PUS7L: variants seen among roughly 807,000 people sequenced by gnomAD.
PUS7L encodes the protein pseudouridylate synthase PUS7L.
PUS7L carries 49 observed loss-of-function variants against 51.1 expected under a neutral mutation model. The observed-to-expected ratio is 0.96, with a 90% CI of 0.76 to 1.22. The LOEUF is 1.22. Among genes scored for constraint, PUS7L ranks in the 50% most tolerant of loss-of-function variants. PUS7L has a pLI of 0.00. For missense variants in PUS7L, 828 were observed against 820.6 expected, an observed-to-expected ratio of 1.01 and a Z score of -0.11; for synonymous variants, 277 against 276.2, an observed-to-expected ratio of 1.00 and a Z score of -0.03.
chr12:43,754,551 G>C lies in PUS7L; in HGVS notation c.695C>G (p.Thr232Ser), dbSNP rs1938601457. Residue 232 changes from threonine to serine, a missense_variant, in exon 2 of 9, where the codon ACC becomes AGC. Transcript: ENST00000344862. ...LDAKKENSKF[T>S]FKPDTNKDHR... ...GTCTTTGTTTGTATCAGGTTTAAAGGTAAATTTGGAATTTTCTTTCTTTGC... is the reference window on the plus strand; with the variant it reads ...GTCTTTGTTTGTATCAGGTTTAAAGCTAAATTTGGAATTTTCTTTCTTTGC... The C allele has an allele frequency of 1.2e-6, 2 of 1,609,806 alleles. No individual in the cohort carries two copies. The highest frequency in any genetic ancestry group is 1.7e-6 in the Non-Finnish European group (2 of 1,178,610).
chr12:43,739,863 C>T (rs984956180), intron 5 of PUS7L: 1 of 152,028 alleles, frequency 6.6e-6, no homozygotes, highest in Non-Finnish European at 1.5e-5. Context: ...AGTAAGTACA[C>T]AGTATAAATT....
At chr12:43,734,999 T>A (rs1944649979) in intron 7 of PUS7L, among the ~76,000 whole-genome samples, 1 of 152,192 alleles carries the variant, frequency 6.6e-6, no homozygotes, top group Non-Finnish European at 1.5e-5. Context: ...CCCAGTTTCA[T>A]TAGTTCAAAC....
intron 8 of PUS7L, among the ~76,000 whole-genome samples, chr12:43,731,467 G>A (rs1944552182): frequency 6.6e-6 from 1 of 151,974 alleles, no homozygotes; most frequent in South Asian, 2.1e-4. Flanking sequence ...TTTGGAGAGG[G>A]GAGGAAACTG....
Position 43,757,454 on chromosome 12 carries a change from A to G in PUS7L, c.-17+1276T>C, listed in dbSNP as rs1592190395. 3.3e-5 allele frequency among the ~76,000 whole-genome samples: 5 copies of G among 152,352 alleles called. 1 individual carries two copies. Among genetic ancestry groups the G allele is most frequent in the Admixed American group, 3.3e-4 (5 of 15,306 alleles). On this transcript the variant is annotated intron_variant, in intron 1 of 8. Transcript: ENST00000344862. ...CCAAAGTGCTGGGGTTACAGGCGTG[A>G]GCCACCGTGCCCAGCAAGTGATTCT...
chr12:43,748,666 A>G, intron 2 of PUS7L, 57 bp from the exon 3 acceptor site: 1 of 1,280,540 alleles, frequency 7.8e-7, no homozygotes, highest in Non-Finnish European at 1.1e-6. Context: ...CATCAATTAC[A>G]TTCTTAGCTA....
At position 43,736,656 on chromosome 12, in the gene PUS7L, C is replaced by T. The variant is rs1221570016; in HGVS notation, c.1450G>A (p.Ala484Thr). ...GGCATCAATGAAAGTGTGCCTTTAG[C>T]ATCCTCTGAAACAAAGGGTAAATCA... ...AKKYFLQTED[A>T]KGTLSLMPEF... is the part of the protein sequence containing the mutation. Residue 484 changes from alanine to threonine, a missense_variant, in exon 7 of 9, where the codon GCT (alanine) becomes ACT (threonine). Ala to Thr is a moderately conservative substitution (Grantham distance 58). Coordinates refer to ENST00000344862, the MANE Select transcript of PUS7L (RefSeq NM_031292.5). 1 of 1,612,848 alleles carries T rather than the reference C, an allele frequency of 6.2e-7. No homozygotes were observed. Among genetic ancestry groups the T allele is most frequent in the Non-Finnish European group, 8.5e-7 (1 of 1,179,058 alleles).
chr12:43,746,970 T>C (rs1448767755), intron 3 of PUS7L, among the ~76,000 whole-genome samples: 1 of 152,228 alleles, frequency 6.6e-6, no homozygotes, highest in Non-Finnish European at 1.5e-5. Flanking sequence ...TCTAAAGTTC[T>C]TCTTTCTGCA....
At chr12:43,751,446 T>C (rs1238655043) in intron 2 of PUS7L, among the ~76,000 whole-genome samples, 2 of 149,238 alleles carry the variant, frequency 1.3e-5, no homozygotes, top group Non-Finnish European at 3.0e-5. Flanking sequence ...GAACATGCAG[T>C]GTTTGGTTTT....
intron 7 of PUS7L, among the ~76,000 whole-genome samples, chr12:43,735,114 G>C (rs1373476261): frequency 6.6e-6 from 1 of 151,882 alleles, no homozygotes; most frequent in Non-Finnish European, 1.5e-5. Context: ...AGGAGATCGA[G>C]ACCATCCTGG....
chr12:43,754,328 T>G lies in PUS7L; in HGVS notation c.910+8A>C. ...TCCAAGAAAATGGATGATGATTTAT[T>G]AAATTACCTGTATATATAACTTTTC... On this transcript the variant is annotated splice_region_variant and intron_variant, in intron 2 of 8. Coordinates refer to ENST00000344862, the MANE Select transcript of PUS7L (RefSeq NM_031292.5). The G allele has an allele frequency of 6.6e-7, 1 of 1,522,808 alleles. No homozygotes were observed. Among genetic ancestry groups the G allele is most frequent in the Non-Finnish European group, 8.9e-7 (1 of 1,124,230 alleles). The allele number at this position is 1,522,808 out of a possible 1,614,324, so 94.3% of individuals were successfully genotyped here. A position where few individuals can be genotyped will look rare whatever the true frequency, so the allele number is the denominator to read the frequency against.
rs1440405629 is a variant in PUS7L at position 43,730,469 on chromosome 12, A to G, written c.2013T>C (p.Asp671=). ...AGATCAAAAGAGACAAAGCTGTTTC[A>G]TCAATGTGGGAACCTTTCGTTTTGA... ...IDVKTKGSHI[D]ETALSLLISF... is the part of the protein sequence containing the mutation. Residue 671 remains aspartate (D), a synonymous_variant, in exon 9 of 9, where the codon GAT becomes GAC. Transcript: ENST00000344862. The G allele has an allele frequency of 6.2e-7, 1 of 1,613,770 alleles. No individual in the cohort carries two copies. The highest frequency in any genetic ancestry group is 2.2e-5 in the East Asian group (1 of 44,854).
chr12:43,754,875 A>C lies in PUS7L; in HGVS notation c.371T>G (p.Val124Gly). 6.2e-7 allele frequency: 1 copy of C among 1,613,732 alleles called. No homozygotes were observed. Among genetic ancestry groups the C allele is most frequent in the Non-Finnish European group, 8.5e-7 (1 of 1,179,846 alleles). The change falls in exon 2 of 9, where the codon GTT (valine) becomes GGT (glycine). Residue 124 changes from valine (V) to glycine (G), a missense_variant. Coordinates refer to ENST00000344862, the MANE Select transcript of PUS7L (RefSeq NM_031292.5). ...TTTTTCATCCAAAAAGGAGCTTAAA[A>C]CATCAGCTTTTTCTTCACATTTGGA... The part of the protein sequence containing the change: ...GTSKCEEKAD[V>G]LSSFLDEKTH...
rs139888322 is a variant in PUS7L, at chr12:43,730,623, C to T, written c.1859G>A (p.Arg620Lys). Reference protein sequence around the residue: ...VGQWYHDILSRDGLQTCRFKV... With the variant: ...VGQWYHDILSKDGLQTCRFKV... ...AAACCTACATGTCTGTAGTCCATCT[C>T]TGCTAAGTATGTCATGGTACCACTG... Residue 620 changes from arginine to lysine, a missense_variant, in exon 9 of 9, where the codon AGA becomes AAA. Arg to Lys is a conservative substitution (Grantham distance 26, BLOSUM62 2). Coordinates refer to ENST00000344862, the MANE Select transcript of PUS7L (RefSeq NM_031292.5). The T allele has an allele frequency of 6.2e-7, 1 of 1,613,692 alleles. No homozygotes were observed. The highest frequency in any genetic ancestry group is 1.3e-5 in the African/African-American group (1 of 75,014).
intron 2 of PUS7L, among the ~76,000 whole-genome samples, chr12:43,750,296 CATG>C (rs1213103259): frequency 6.6e-6 from 1 of 152,018 alleles, no homozygotes; most frequent in African/African-American, 2.4e-5. Context: ...AAATCAAATC[CATG>C]ATATTGTATT....
chr12:43,746,942 C>T (rs1938200745), intron 3 of PUS7L, among the ~76,000 whole-genome samples: 1 of 152,170 alleles, frequency 6.6e-6, no homozygotes, highest in Non-Finnish European at 1.5e-5. Flanking sequence ...GAGCTTTCAT[C>T]TTAAATACAC....
chr12:43,754,537 T>C lies in PUS7L; in HGVS notation c.709A>G (p.Thr237Ala), dbSNP rs764852003. Residue 237 changes from threonine to alanine, a missense_variant, in exon 2 of 9, where the codon ACA (threonine) becomes GCA (alanine). Physicochemically the swap from Thr to Ala is moderately conservative, Grantham distance 58. Coordinates refer to ENST00000344862, the MANE Select transcript of PUS7L (RefSeq NM_031292.5). ...ENSKFTFKPD[T>A]NKDHRKAVHH... ...ACAGCTTTTCTGTGGTCTTTGTTTGTATCAGGTTTAAAGGTAAATTTGGAA... is the reference window on the plus strand; with the variant it reads ...ACAGCTTTTCTGTGGTCTTTGTTTGCATCAGGTTTAAAGGTAAATTTGGAA... 1 of 1,612,410 alleles carries C rather than the reference T, an allele frequency of 6.2e-7. No individual in the cohort carries two copies. Among genetic ancestry groups the C allele is most frequent in the South Asian group, 1.1e-5 (1 of 90,720 alleles).
At chr12:43,736,998 A>C (rs1222734883) in intron 6 of PUS7L, among the ~76,000 whole-genome samples, 1 of 152,180 alleles carries the variant, frequency 6.6e-6, no homozygotes, top group Non-Finnish European at 1.5e-5. Context: ...AAAAAACCTA[A>C]AGGATTAAAT....
chr12:43,746,138 G>A lies in PUS7L; in HGVS notation c.1171C>T (p.His391Tyr). Residue 391 changes from histidine (H) to tyrosine (Y), a missense_variant, in exon 4 of 9, where the codon CAC becomes TAC. Coordinates refer to ENST00000344862, the MANE Select transcript of PUS7L (RefSeq NM_031292.5). ...SLRLGQLKGN[H>Y]FDIVIRNLKK... ...AAATTTCTAATGACAATATCAAAGT[G>A]ATTTCCTTTGAGCTGACCAAGTCTC... is the stretch of plus-strand genomic sequence containing the variant. 1 of 1,497,640 alleles carries A rather than the reference G, an allele frequency of 6.7e-7. No individual in the cohort carries two copies. Among genetic ancestry groups the A allele is most frequent in the East Asian group, 2.3e-5 (1 of 43,798 alleles). 92.8% of individuals were successfully genotyped at this position (1,497,640 alleles called of 1,614,324 possible).
At chr12:43,747,616 C>T (rs1376801287) in intron 3 of PUS7L, among the ~76,000 whole-genome samples, 1 of 151,928 alleles carries the variant, frequency 6.6e-6, no homozygotes, top group Non-Finnish European at 1.5e-5. Context: ...ATCGCTTGAA[C>T]TTGGGAGGTA....
Sources: allele counts gnomAD v4.1 joint callset (sites outside exome capture counted in the v4.1 genomes callset), GRCh38; gene constraint gnomAD v4.1.1; transcripts MANE v1.5; gene names NCBI Gene and HGNC (gene_info 2026-07-23, HGNC 2026-07-21).